Variants in CFAP74 observed in about 807,000 individuals in gnomAD.
CFAP74 encodes the protein cilia and flagella associated protein 74.
In CFAP74, 124 loss-of-function variants were observed where a neutral mutation model predicts 188.9. That is an observed-to-expected ratio of 0.66 (90% confidence interval 0.57 to 0.76). The LOEUF (loss-of-function observed/expected upper bound fraction) is 0.76. CFAP74 is among the 30% of genes least tolerant of loss of function. The pLI, the probability that CFAP74 is intolerant of heterozygous loss-of-function variation, is 0.00. For missense variants in CFAP74, 2,198 were observed against 2,165.2 expected, an observed-to-expected ratio of 1.02 and a Z score of -0.30; for synonymous variants, 956 against 916.7, an observed-to-expected ratio of 1.04 and a Z score of -0.77.
intron 6 of CFAP74, among the ~76,000 whole-genome samples, chr1:1,981,980 G>A (rs1445490003): frequency 1.5e-5 from 2 of 131,194 alleles, no homozygotes; most frequent in Non-Finnish European, 3.2e-5. Flanking sequence ...GACACGGGGG[G>A]CACGCAGGAC....
In CFAP74 at chr1:1,994,872, G is replaced by A. The variant is rs138082430; in HGVS notation, c.-19-3897C>T. On this transcript the variant is annotated intron_variant, in intron 1 of 38. Transcript: ENST00000682832. Reference sequence around the variant, plus strand: ...TGTTTTCAGTACATGAATCTACCAGGGCAAGGGTCATTGGGAGAAACAGGA... The same window carrying A: ...TGTTTTCAGTACATGAATCTACCAGAGCAAGGGTCATTGGGAGAAACAGGA... 4.8e-3 allele frequency among the ~76,000 whole-genome samples: 733 copies of A among 152,278 alleles called. 1 individual carries two copies. The highest frequency in any genetic ancestry group is 6.9e-3 in the Non-Finnish European group (470 of 68,038).
chr1:1,931,255 C>T (rs1264329728), intron 25 of CFAP74, among the ~76,000 whole-genome samples: 1 of 150,092 alleles, frequency 6.7e-6, no homozygotes, highest in Non-Finnish European at 1.5e-5. Context: ...CGGTGAAACC[C>T]CGTCTCTACT....
chr1:1,932,339 G>C (rs1196508135), intron 25 of CFAP74, among the ~76,000 whole-genome samples: 1 of 150,714 alleles, frequency 6.6e-6, no homozygotes, highest in African/African-American at 2.4e-5. Context: ...GGAGCTTGCA[G>C]TGAGCCGAGA....
intron 14 of CFAP74, 112 bp from the exon 15 acceptor site, chr1:1,960,142 G>T: frequency 1.1e-6 from 1 of 897,656 alleles, no homozygotes; most frequent in Non-Finnish European, 1.7e-6. Context: ...CCCATCCCGG[G>T]CCTGGCCCCC....
chr1:1,954,976 G>A (rs1654452180), intron 18 of CFAP74: 14 of 1,209,370 alleles, frequency 1.2e-5, no homozygotes, highest in Admixed American at 7.3e-5. Flanking sequence ...TCTAGAACCC[G>A]AGGCTCTCTC....
At chr1:1,960,188 T>G (rs1654982300) in intron 14 of CFAP74, 158 bp from the exon 15 acceptor site, 2 of 639,608 alleles carry the variant, frequency 3.1e-6, no homozygotes, top group Non-Finnish European at 5.4e-6. Flanking sequence ...GTGCTGGATC[T>G]GCTGCATTCC....
intron 6 of CFAP74, among the ~76,000 whole-genome samples, chr1:1,978,386 C>T (rs1396550365): frequency 1.3e-5 from 2 of 151,756 alleles, no homozygotes; most frequent in African/African-American, 4.9e-5. Flanking sequence ...GCTGGTTCCT[C>T]GGTGGGCAGC....
Position 1,926,478 on chromosome 1 carries a change from G to T in CFAP74, c.3807C>A (p.Asn1269Lys). ...HRSIKKISIQ[N>K]VSPEDLALDF... ...ACACGGCCAGATCCTCGGGAGAGAC[G>T]TTCTGGATGGAGATCTTCTTGATAC... Residue 1269 changes from asparagine to lysine, a missense_variant, in exon 31 of 39, where the codon AAC becomes AAA. Transcript: ENST00000682832. The T allele has an allele frequency of 6.5e-7, 1 of 1,550,228 alleles. No homozygotes were observed. The highest frequency in any genetic ancestry group is 1.2e-5 in the South Asian group (1 of 84,062).
In CFAP74 at chr1:1,922,700, G is replaced by A. The variant is rs764874582; in HGVS notation, c.4707C>T (p.Ser1569=). 8.7e-6 allele frequency: 14 copies of A among 1,600,360 alleles called. No individual in the cohort carries two copies. Among genetic ancestry groups the A allele is most frequent in the African/African-American group, 8.0e-5 (6 of 74,702 alleles). The stretch of plus-strand genomic sequence containing the variant: ...AACCCTTGTGCTGCAGGGATGCGAC[G>A]CTGTCTATGCTGAACTCAACGGTCT... ...PKKTVEFSID[S]VASLQHKGFS... is the part of the protein sequence containing the mutation. The change falls in exon 38 of 39, where the codon AGC becomes AGT. Residue 1569 remains serine (S), a synonymous_variant. Transcript: ENST00000682832.
intron 6 of CFAP74, among the ~76,000 whole-genome samples, chr1:1,977,543 GAGA>G (rs1454475197): frequency 1.3e-5 from 2 of 152,176 alleles, no homozygotes; most frequent in African/African-American, 4.8e-5. Context: ...GAACTGAGAG[GAGA>G]AGGATCCCAG....
chr1:1,995,985 T>C (rs1035062079), intron 1 of CFAP74, among the ~76,000 whole-genome samples: 2 of 151,286 alleles, frequency 1.3e-5, no homozygotes, highest in Non-Finnish European at 2.9e-5. Flanking sequence ...ACTTTTTTTG[T>C]TTTTGTTTTT....
chr1:1,988,822 A>ACCCCCCCCCCCCCC, intron 3 of CFAP74, 67 bp downstream of exon 3: 2 of 158,408 alleles, frequency 1.3e-5, no homozygotes, highest in South Asian at 4.1e-5. Context: ...CCCTTCACCC[A>ACCCCCCCCCCCCCC]CCCCCCCACC....
chr1:1,963,763 G>A lies in CFAP74; in HGVS notation c.1680C>T (p.Asp560=), dbSNP rs898183504. The A allele has an allele frequency of 1.6e-5, 25 of 1,611,764 alleles. No individual in the cohort carries two copies. The highest frequency in any genetic ancestry group is 2.1e-5 in the Non-Finnish European group (25 of 1,178,102). The change falls in exon 14 of 39, where the codon GAC becomes GAT. Residue 560 remains aspartate, a synonymous_variant. Coordinates refer to ENST00000682832, the MANE Select transcript of CFAP74 (RefSeq NM_001304360.2). The stretch of plus-strand genomic sequence containing the variant: ...CGTCCTCTTACTCAACGTGGATGAA[G>A]TCCCGGAGGTGCTCCTCCACGCCCA... The part of the protein sequence containing the change: ...KLVGVEEHLR[D]FIHVDFDPPG...
At chr1:1,980,572 T>C (rs1656773558) in intron 6 of CFAP74, among the ~76,000 whole-genome samples, 2 of 152,018 alleles carry the variant, frequency 1.3e-5, no homozygotes, top group Admixed American at 6.5e-5. Context: ...GCGGGCAGGG[T>C]CGTCTCTAGG....
chr1:1,971,071 A>G (rs1655968758), intron 9 of CFAP74, among the ~76,000 whole-genome samples: 1 of 148,884 alleles, frequency 6.7e-6, no homozygotes, highest in African/African-American at 2.5e-5. Flanking sequence ...ACACACGCAC[A>G]CCTGCACACA....
At chr1:1,961,479 G>T (rs1170079655) in intron 14 of CFAP74, among the ~76,000 whole-genome samples, 1 of 152,248 alleles carries the variant, frequency 6.6e-6, no homozygotes, top group Non-Finnish European at 1.5e-5. Context: ...GGAGAGTGGT[G>T]GCCTCAACCT....
chr1:1,928,585 G>A (rs1218974472), intron 27 of CFAP74, among the ~76,000 whole-genome samples, 199 bp downstream of exon 27: 1 of 152,218 alleles, frequency 6.6e-6, no homozygotes, highest in African/African-American at 2.4e-5. Flanking sequence ...GCCTGGCAGT[G>A]CCTTCCAGAG....
intron 16 of CFAP74, 133 bp downstream of exon 16, chr1:1,958,987 C>T (rs907571859): frequency 1.1e-5 from 7 of 643,782 alleles, no homozygotes; most frequent in African/African-American, 7.3e-5. Flanking sequence ...AGGGGCTCAG[C>T]CCCTGGTGAA....
chr1:1,982,212 G>C, intron 6 of CFAP74, among the ~76,000 whole-genome samples: 1 of 149,150 alleles, frequency 6.7e-6, no homozygotes, highest in Non-Finnish European at 1.5e-5. Context: ...CCCAGCCGTG[G>C]TCACACGCGG....
Sources: gnomAD v4.1 joint callset for allele counts (sites outside exome capture counted in the v4.1 genomes callset) on GRCh38, gnomAD v4.1.1 for gene constraint, MANE v1.5 for transcripts, NCBI Gene and HGNC (gene_info 2026-07-23, HGNC 2026-07-21) for gene names.